The following GINS2 variants were observed in gnomAD, a reference collection of about 807,000 sequenced individuals.
The protein encoded by GINS2 is GINS complex subunit 2, also known as DNA replication complex GINS protein PSF2.
GINS2 carries 23 observed loss-of-function variants against 21.2 expected under a neutral mutation model. The ratio of observed to expected loss-of-function variants is 1.08; its 90% confidence interval spans 0.78 to 1.53. The LOEUF (loss-of-function observed/expected upper bound fraction) is 1.53, where lower values mean the gene tolerates loss of function less well. Among genes scored for constraint, GINS2 ranks in the 40% most tolerant of loss-of-function variants. GINS2 has a pLI of 0.00. For synonymous variants in GINS2, 118 were observed against 85.6 expected (o/e 1.38, Z -2.09); for missense variants, 323 against 233.9 (o/e 1.38, Z -2.49).
intron 2 of GINS2, among the ~76,000 whole-genome samples, chr16:85,685,081 G>A (rs535872735): frequency 9.9e-5 from 15 of 152,012 alleles, no homozygotes; most frequent in Non-Finnish European, 1.6e-4. Context: ...GAGCCACCGC[G>A]CCTGGCCCAG....
Position 85,688,836 on chromosome 16 carries a change from G to A in GINS2, c.63C>T (p.Phe21=), listed in dbSNP as rs144157425. Residue 21 remains phenylalanine, a synonymous_variant, in exon 1 of 5, where the codon TTC becomes TTT. Coordinates refer to ENST00000253462, the MANE Select transcript of GINS2 (RefSeq NM_016095.3). ...EKELVTIIPN[F]SLDKIYLIGG... ...CGATGAGGTAGATCTTGTCCAGACT[G>A]AAGTTGGGGATAATGGTAACCAGCT... The A allele has an allele frequency of 5.8e-6, 9 of 1,545,784 alleles. No individual in the cohort carries two copies. The highest frequency in any genetic ancestry group is 2.5e-5 in the East Asian group (1 of 40,002).
rs1053236317 is a variant in GINS2 at position 85,682,295 on chromosome 16, G to A, written c.206-614C>T. Among the ~76,000 whole-genome samples, 3 of 152,156 alleles carry A rather than the reference G, an allele frequency of 2.0e-5. No homozygotes were observed. In the South Asian group the frequency reaches 6.2e-4, roughly 32 times the overall value. Reference sequence around the variant, plus strand: ...TTCTCGAAGTGCTGGGATTATAGGAGTGAGTCACCTGGTCAGTATTAGACC... The same window carrying A: ...TTCTCGAAGTGCTGGGATTATAGGAATGAGTCACCTGGTCAGTATTAGACC... On this transcript the variant is annotated intron_variant, in intron 2 of 4. Coordinates refer to ENST00000253462, the MANE Select transcript of GINS2 (RefSeq NM_016095.3).
chr16:85,688,259 A>T (rs62051414), intron 1 of GINS2, among the ~76,000 whole-genome samples: 11,302 of 152,064 alleles, frequency 0.074, 542 homozygotes, highest in Non-Finnish European at 0.11. Flanking sequence ...TCTCTACCAA[A>T]TAAATAAGCC....
chr16:85,685,964 T>G (rs1253628625), intron 2 of GINS2, among the ~76,000 whole-genome samples: 1 of 151,634 alleles, frequency 6.6e-6, no homozygotes, highest in Non-Finnish European at 1.5e-5. Flanking sequence ...AAATTCTATA[T>G]GTATGACCAT....
chr16:85,685,685 A>AAAAAAAAAAACAAAAAAAAAAAC (rs56405044), intron 2 of GINS2, among the ~76,000 whole-genome samples: 1 of 120,900 alleles, frequency 8.3e-6, no homozygotes, highest in Non-Finnish European at 1.9e-5. Flanking sequence ...AAAAAAAAAA[A>AAAAAAAAAAACAAAAAAAAAAAC]AAAAAACCGT....
intron 2 of GINS2, among the ~76,000 whole-genome samples, chr16:85,686,037 CAT>C (rs1293163600): frequency 6.6e-6 from 1 of 151,920 alleles, no homozygotes; most frequent in African/African-American, 2.4e-5. Context: ...ATAAGCTACT[CAT>C]ATCTCCAAGA....
chr16:85,685,691 A>AAAAAAAAAAAAAAAAAAAAAAAAAAAAC, intron 2 of GINS2, among the ~76,000 whole-genome samples: 1 of 148,324 alleles, frequency 6.7e-6, no homozygotes, highest in East Asian at 2.0e-4. Context: ...AAAAAAAAAA[A>AAAAAAAAAAAAAAAAAAAAAAAAAAAAC]CCGTCTCAAA....
rs991493243 is a variant in GINS2 at position 85,677,085 on chromosome 16, A to C, written c.*1127T>G. 3.3e-5 allele frequency: 5 copies of C among 151,132 alleles called. No individual in the cohort carries two copies. Among genetic ancestry groups the C allele is most frequent in the Non-Finnish European group, 5.9e-5 (4 of 67,778 alleles). The allele number at this position is 151,132 out of a possible 1,614,324, so 9.4% of individuals were successfully genotyped here. On this transcript the variant is annotated 3_prime_UTR_variant, in exon 5 of 5. Coordinates refer to ENST00000253462, the MANE Select transcript of GINS2 (RefSeq NM_016095.3). Reference sequence around the variant, plus strand: ...ACGGGGTTTCACCATGTTAGCCAGGATAGTCTCAATCTCCTGGCCTTGTGA... The same window carrying C: ...ACGGGGTTTCACCATGTTAGCCAGGCTAGTCTCAATCTCCTGGCCTTGTGA...
At chr16:85,686,231 G>A (rs891023420) in intron 2 of GINS2, among the ~76,000 whole-genome samples, 9 of 152,070 alleles carry the variant, frequency 5.9e-5, no homozygotes, top group South Asian at 2.1e-4. Context: ...TGGCTAACAC[G>A]GTGAAACCCA....
chr16:85,679,181 A>G (rs1005501885), intron 3 of GINS2, among the ~76,000 whole-genome samples: 1 of 152,172 alleles, frequency 6.6e-6, no homozygotes, highest in African/African-American at 2.4e-5. Flanking sequence ...TATCCTCACA[A>G]AAGCCCTGAA....
intron 3 of GINS2, 59 bp from the exon 4 acceptor site, chr16:85,678,725 G>C: frequency 1.3e-6 from 2 of 1,544,172 alleles, no homozygotes; most frequent in Non-Finnish European, 1.8e-6. Context: ...GGCAATGCTG[G>C]ATAGAGTGGC....
Position 85,678,149 on chromosome 16 carries a change from G to T in GINS2, c.*63C>A. 2 of 1,489,276 alleles carry T rather than the reference G, an allele frequency of 1.3e-6. No homozygotes were observed. Among genetic ancestry groups the T allele is most frequent in the Non-Finnish European group, 1.9e-6 (2 of 1,080,122 alleles). The allele number at this position is 1,489,276 out of a possible 1,614,324, so 92.3% of individuals were successfully genotyped here. A position where few individuals can be genotyped will look rare whatever the true frequency, so the allele number is the denominator to read the frequency against. On this transcript the variant is annotated 3_prime_UTR_variant, in exon 5 of 5. Transcript: ENST00000253462. ...AGTGTTTCTAGAGCTCCAGAACCAC[G>T]AGTACCTCATCACGTCCTGAGCGCT...
intron 2 of GINS2, among the ~76,000 whole-genome samples, chr16:85,685,050 A>G (rs947472281): frequency 6.6e-6 from 1 of 152,074 alleles, no homozygotes; most frequent in African/African-American, 2.4e-5. Flanking sequence ...CGGCCTCCCA[A>G]AGTGCTGGGA....
At chr16:85,679,444 G>GT (rs1195653688) in intron 3 of GINS2, among the ~76,000 whole-genome samples, 1 of 152,186 alleles carries the variant, frequency 6.6e-6, no homozygotes, top group Non-Finnish European at 1.5e-5. Context: ...GGCATTACAG[G>GT]TTACGCTAGA....
At chr16:85,680,758 C>T (rs1335829292) in intron 3 of GINS2, among the ~76,000 whole-genome samples, 2 of 152,202 alleles carry the variant, frequency 1.3e-5, no homozygotes, top group Admixed American at 1.3e-4. Flanking sequence ...GACAGACTTA[C>T]AGGGCAGAGA....
At chr16:85,681,113 G>C (rs560598047) in intron 3 of GINS2, among the ~76,000 whole-genome samples, 7 of 152,352 alleles carry the variant, frequency 4.6e-5, no homozygotes, top group Non-Finnish European at 7.3e-5. Context: ...CAAGGACAGA[G>C]GCAAATGTAA....
At chr16:85,679,419 T>C (rs2053713775) in intron 3 of GINS2, among the ~76,000 whole-genome samples, 1 of 152,180 alleles carries the variant, frequency 6.6e-6, no homozygotes, top group Non-Finnish European at 1.5e-5. Context: ...CAGAAGCAAA[T>C]ATTGTTCGTC....
rs141887882 is a variant in GINS2 at position 85,681,576 on chromosome 16, A to G, written c.305+6T>C. 16 of 1,541,970 alleles carry G rather than the reference A, an allele frequency of 1.0e-5. No individual in the cohort carries two copies. The East Asian group carries it at 3.4e-4, about 32-fold the overall frequency. On this transcript the variant is annotated splice_donor_region_variant and intron_variant, in intron 3 of 4. Transcript: ENST00000253462. ...GTGTGGCCTCTAAGAGGTGAGATCTACTTACTGATTTAACAGGAGCTTCGT... is the reference window on the plus strand; with the variant it reads ...GTGTGGCCTCTAAGAGGTGAGATCTGCTTACTGATTTAACAGGAGCTTCGT...
In GINS2 at chr16:85,677,837, A is replaced by G. The variant is rs1477060105; in HGVS notation, c.*375T>C. ...AAGAAGGGGTAAAAAGCCGTGGACC[A>G]CATGGCCACTCCTGCTGTATCTACA... is the stretch of plus-strand genomic sequence containing the variant. On this transcript the variant is annotated 3_prime_UTR_variant, in exon 5 of 5. Coordinates refer to ENST00000253462, the MANE Select transcript of GINS2 (RefSeq NM_016095.3). 1.1e-5 allele frequency: 2 copies of G among 176,064 alleles called. No homozygotes were observed. The highest frequency in any genetic ancestry group is 1.3e-4 in the South Asian group (1 of 7,510). 10.9% of individuals were successfully genotyped at this position (176,064 alleles called of 1,614,324 possible).
Sources: gnomAD v4.1 joint callset for allele counts (sites outside exome capture counted in the v4.1 genomes callset) on GRCh38, gnomAD v4.1.1 for gene constraint, MANE v1.5 for transcripts, NCBI Gene and HGNC (gene_info 2026-07-23, HGNC 2026-07-21) for gene names.